CTPS2: variants seen among roughly 807,000 people sequenced by gnomAD.
The protein encoded by CTPS2 is CTP synthase II.
A neutral mutation model predicts 46.8 loss-of-function variants in CTPS2; 19 were observed. The ratio of observed to expected loss-of-function variants is 0.41; its 90% confidence interval spans 0.28 to 0.60. CTPS2 has a LOEUF of 0.60. Among genes scored for constraint, CTPS2 ranks in the 20% least tolerant of loss-of-function variants. The probability of loss-of-function intolerance (pLI) is 0.35; values close to 1 mark genes in which losing one functional copy is unlikely to be tolerated. For synonymous variants in CTPS2, 151 were observed against 165.2 expected, an observed-to-expected ratio of 0.91 and a Z score of 0.66; for missense variants, 286 against 447.6, an observed-to-expected ratio of 0.64 and a Z score of 3.26.
chrX:16,623,410 C>T (rs1230724785), intron 14 of CTPS2, among the ~76,000 whole-genome samples: 1 of 111,425 alleles, frequency 9.0e-6, no homozygotes, highest in Non-Finnish European at 1.9e-5. Context: ...CCCTACCAGC[C>T]CCCCACTACC....
chrX:16,639,799 AAGAAAG>A (rs1215057133), intron 13 of CTPS2, among the ~76,000 whole-genome samples: 1 of 107,989 alleles, frequency 9.3e-6, no homozygotes, highest in Non-Finnish European at 1.9e-5. Context: ...GAAAGAAAGA[AAGAAAG>A]AAAGAAAGAA....
chrX:16,709,259 C>A (rs1382150883), intron 1 of CTPS2, among the ~76,000 whole-genome samples: 1 of 110,110 alleles, frequency 9.1e-6, no homozygotes, highest in Non-Finnish European at 1.9e-5. Context: ...GAAACCCCAT[C>A]TCTACTAAAA....
At chrX:16,593,773 A>G (rs1005027165) in intron 17 of CTPS2, among the ~76,000 whole-genome samples, 25 of 110,925 alleles carry the variant, frequency 2.3e-4, no homozygotes, top group Non-Finnish European at 4.2e-4. Context: ...AGATAAACAT[A>G]TAAAACAACA....
chrX:16,605,813 G>A (rs755039126), intron 17 of CTPS2, among the ~76,000 whole-genome samples: 8 of 112,655 alleles, frequency 7.1e-5, no homozygotes, highest in Non-Finnish European at 1.5e-4. Flanking sequence ...GTCTTGGGGG[G>A]ACCCCCTAAA....
At chrX:16,596,570 A>G (rs1308558897) in intron 17 of CTPS2, among the ~76,000 whole-genome samples, 2 of 110,283 alleles carry the variant, frequency 1.8e-5, no homozygotes, top group Non-Finnish European at 3.8e-5. Flanking sequence ...TATGTGCCAC[A>G]TTTTCTTAAT....
At chrX:16,660,403 T>C (rs1174409155) in intron 13 of CTPS2, among the ~76,000 whole-genome samples, 4 of 89,865 alleles carry the variant, frequency 4.5e-5, no homozygotes, top group African/African-American at 1.8e-4. Context: ...TTATTTTTTA[T>C]TATTTATTTA....
Position 16,625,170 on chromosome X carries a change from G to A in CTPS2, c.1394-4838C>T, listed in dbSNP as rs779325821. Among the ~76,000 whole-genome samples, 10 of 112,426 alleles carry A rather than the reference G, an allele frequency of 8.9e-5. No homozygotes were observed. The East Asian group carries it at 1.1e-3, about 13-fold the overall frequency. ...TGAGGGATGAATGGATAAACAAAAT[G>A]TGCATATCCATCCACACAATGGAAT... is the stretch of plus-strand genomic sequence containing the variant. On this transcript the variant is annotated intron_variant, in intron 14 of 18. Coordinates refer to ENST00000359276, the MANE Select transcript of CTPS2 (RefSeq NM_175859.3).
intron 9 of CTPS2, among the ~76,000 whole-genome samples, chrX:16,680,923 C>A (rs182935882): frequency 7.6e-4 from 85 of 111,414 alleles, no homozygotes; most frequent in Non-Finnish European, 7.0e-4. Context: ...CGATGGCTCA[C>A]GCTTGTAATC....
chrX:16,695,002 AAAC>A lies in CTPS2; in HGVS notation c.439-1518_439-1516del, dbSNP rs10651987. The stretch of plus-strand genomic sequence containing the variant: ...CAGAGTAAGACACTGTCTCTTTAAA[AAAC>A]AACAACAACAACAACAACAACTCAA... On this transcript the variant is annotated intron_variant, in intron 4 of 18. Coordinates refer to ENST00000359276, the MANE Select transcript of CTPS2 (RefSeq NM_175859.3). 6.5e-3 allele frequency among the ~76,000 whole-genome samples: 694 copies of A among 106,952 alleles called. 5 individuals carry two copies. The highest frequency in any genetic ancestry group is 0.011 in the Non-Finnish European group (558 of 52,048). The allele number at this position is 106,952 out of a possible 115,157, so 92.9% of individuals were successfully genotyped here.
chrX:16,649,894 G>A (rs1932519066), intron 13 of CTPS2, among the ~76,000 whole-genome samples: 1 of 111,935 alleles, frequency 8.9e-6, no homozygotes, highest in Non-Finnish European at 1.9e-5. Flanking sequence ...AATGTGAACT[G>A]TGAGCAAATA....
chrX:16,669,955 G>A (rs1921595413), intron 11 of CTPS2, among the ~76,000 whole-genome samples: 1 of 110,802 alleles, frequency 9.0e-6, no homozygotes, highest in Non-Finnish European at 1.9e-5. Context: ...CGGGCACGGG[G>A]GCTCAAGCCT....
At chrX:16,674,080 T>C (rs1029380905) in intron 10 of CTPS2, among the ~76,000 whole-genome samples, 9 of 111,016 alleles carry the variant, frequency 8.1e-5, no homozygotes, top group African/African-American at 2.9e-4. Flanking sequence ...AAATGTGTTT[T>C]TAGTAAAAGA....
chrX:16,658,319 G>A (rs1932868221), intron 13 of CTPS2, among the ~76,000 whole-genome samples: 1 of 109,982 alleles, frequency 9.1e-6, no homozygotes, highest in Non-Finnish European at 1.9e-5. Flanking sequence ...CAACACAAGA[G>A]CATTCTCATG....
chrX:16,699,929 T>TG (rs1358185308), intron 2 of CTPS2, among the ~76,000 whole-genome samples: 2 of 32,300 alleles, frequency 6.2e-5, no homozygotes, highest in African/African-American at 1.4e-3. Flanking sequence ...TTTTTTTCAA[T>TG]TTTTTTTTTC....
intron 13 of CTPS2, among the ~76,000 whole-genome samples, chrX:16,642,739 A>G (rs1480661311): frequency 8.9e-6 from 1 of 112,474 alleles, no homozygotes; most frequent in African/African-American, 3.2e-5. Context: ...TGTTCCTTGC[A>G]TTCCTTCCAC....
At chrX:16,690,362 ACT>A (rs1196269193) in intron 7 of CTPS2, among the ~76,000 whole-genome samples, 1 of 109,518 alleles carries the variant, frequency 9.1e-6, no homozygotes, top group Non-Finnish European at 1.9e-5. Context: ...CAATAGTGAA[ACT>A]CTGTCTCAAA....
chrX:16,648,486 G>T (rs1932437340), intron 13 of CTPS2, among the ~76,000 whole-genome samples: 1 of 112,186 alleles, frequency 8.9e-6, no homozygotes, highest in Non-Finnish European at 1.9e-5. Flanking sequence ...TTTTTTAAAA[G>T]ATGTTTAAAA....
rs373128413 is a variant in CTPS2 at position 16,589,004 on chromosome X, G to C, written c.*813C>G. 5.4e-5 allele frequency: 6 copies of C among 112,133 alleles called. No homozygotes were observed. Among genetic ancestry groups the C allele is most frequent in the African/African-American group, 1.9e-4 (6 of 30,880 alleles). The allele number at this position is 112,133 out of a possible 1,213,427, so 9.2% of individuals were successfully genotyped here. A position where few individuals can be genotyped will look rare whatever the true frequency, so the allele number is the denominator to read the frequency against. ...CAGAAATCACAGTCAAAATGCAGTC[G>C]AAACTTTGTTTCATGCACAAAATTA... On this transcript the variant is annotated 3_prime_UTR_variant, in exon 19 of 19. Coordinates refer to ENST00000359276, the MANE Select transcript of CTPS2 (RefSeq NM_175859.3).
At chrX:16,639,120 G>T in intron 14 of CTPS2, 27 bp downstream of exon 14, 1 of 1,133,302 alleles carries the variant, frequency 8.8e-7, no homozygotes, top group Non-Finnish European at 1.2e-6. Flanking sequence ...CCAACATCTT[G>T]TAAAATAAAC....
Sources: allele counts gnomAD v4.1 joint callset (sites outside exome capture counted in the v4.1 genomes callset), GRCh38; gene constraint gnomAD v4.1.1; transcripts MANE v1.5; gene names NCBI Gene and HGNC (gene_info 2026-07-23, HGNC 2026-07-21).